Variants in SMURF2 observed in about 807,000 individuals in gnomAD.
SMURF2 encodes SMAD specific E3 ubiquitin protein ligase 2.
A neutral mutation model predicts 109.6 loss-of-function variants in SMURF2; 48 were observed. The observed-to-expected ratio is 0.44, with a 90% confidence interval of 0.35 to 0.56. The LOEUF (loss-of-function observed/expected upper bound fraction) is 0.56. Among genes scored for constraint, SMURF2 ranks in the 20% least tolerant of loss-of-function variants. The pLI is 0.01. For missense variants in SMURF2, 575 were observed against 909.0 expected (o/e 0.63, Z 4.72); for synonymous variants, 288 against 317.1 (o/e 0.91, Z 0.97).
intron 4 of SMURF2, among the ~76,000 whole-genome samples, chr17:64,591,370 T>C (rs1397194085): frequency 1.3e-5 from 2 of 152,228 alleles, no homozygotes; most frequent in East Asian, 1.9e-4. Context: ...TTAATAATTG[T>C]TGGTCTTAAG....
chr17:64,591,535 C>G (rs1292413979), intron 4 of SMURF2, among the ~76,000 whole-genome samples: 1 of 152,176 alleles, frequency 6.6e-6, no homozygotes, highest in Non-Finnish European at 1.5e-5. Flanking sequence ...CATTTTTTAA[C>G]TAACCATTTC....
chr17:64,605,184 T>C (rs782051226), intron 2 of SMURF2, among the ~76,000 whole-genome samples: 13 of 152,144 alleles, frequency 8.5e-5, no homozygotes, highest in Middle Eastern at 3.4e-3. Flanking sequence ...TCTGTGGCCA[T>C]TGGGACCTTC....
intron 16 of SMURF2, among the ~76,000 whole-genome samples, chr17:64,549,367 T>A (rs1969007218): frequency 1.3e-5 from 2 of 150,882 alleles, no homozygotes; most frequent in Admixed American, 6.6e-5. Context: ...GAGGATCACT[T>A]CAGCATAAGA....
At chr17:64,565,183 C>T (rs1969282451) in intron 10 of SMURF2, among the ~76,000 whole-genome samples, 1 of 152,064 alleles carries the variant, frequency 6.6e-6, no homozygotes, top group African/African-American at 2.4e-5. Context: ...CAAAAACGGA[C>T]ACAGGAGAAA....
intron 1 of SMURF2, among the ~76,000 whole-genome samples, chr17:64,621,952 C>CAATAATAAAAT (rs1555690680): frequency 1.5e-5 from 2 of 130,498 alleles, no homozygotes; most frequent in African/African-American, 6.2e-5. Context: ...GCCATCATCG[C>CAATAATAAAAT]AATAATAATA....
At chr17:64,655,446 C>G (rs989531179) in intron 1 of SMURF2, among the ~76,000 whole-genome samples, 2 of 150,562 alleles carry the variant, frequency 1.3e-5, no homozygotes, top group Non-Finnish European at 3.0e-5. Context: ...TTAGTAGAGA[C>G]AGGGTTTCAC....
At chr17:64,570,781 T>C (rs1969386696) in intron 10 of SMURF2, among the ~76,000 whole-genome samples, 1 of 152,030 alleles carries the variant, frequency 6.6e-6, no homozygotes, top group Non-Finnish European at 1.5e-5. Flanking sequence ...TGGGGTGTTT[T>C]TGTTTGTTTG....
chr17:64,594,725 G>A (rs1485142172), intron 3 of SMURF2, among the ~76,000 whole-genome samples: 7 of 152,082 alleles, frequency 4.6e-5, no homozygotes, highest in East Asian at 1.9e-4. Context: ...GGTGGCTCAC[G>A]CCTGTAATTC....
chr17:64,612,994 A>T (rs1299331562), intron 1 of SMURF2, among the ~76,000 whole-genome samples: 1 of 152,222 alleles, frequency 6.6e-6, no homozygotes, highest in African/African-American at 2.4e-5. Context: ...AAGCAGTTCC[A>T]GCCAGCTTTA....
intron 11 of SMURF2, among the ~76,000 whole-genome samples, chr17:64,561,864 GTGGCATGCACC>G (rs1311836953): frequency 6.6e-6 from 1 of 152,098 alleles, no homozygotes; most frequent in Non-Finnish European, 1.5e-5. Flanking sequence ...GCTGGGCATG[GTGGCATGCACC>G]TGTAGTCCTA....
At chr17:64,636,991 A>C (rs1440522746) in intron 1 of SMURF2, among the ~76,000 whole-genome samples, 1 of 152,066 alleles carries the variant, frequency 6.6e-6, no homozygotes, top group African/African-American at 2.4e-5. Context: ...AGGCCGAGAC[A>C]AGAGGATCTC....
chr17:64,593,336 T>G, intron 4 of SMURF2, 104 bp downstream of exon 4: 1 of 902,618 alleles, frequency 1.1e-6, no homozygotes, highest in Non-Finnish European at 1.5e-6. Flanking sequence ...AAATATATAT[T>G]TGAGGATACA....
chr17:64,607,811 A>AAATAC (rs1317430425), intron 1 of SMURF2, among the ~76,000 whole-genome samples: 2 of 151,452 alleles, frequency 1.3e-5, no homozygotes, highest in Admixed American at 6.6e-5. Context: ...TCTCTAGTAA[A>AAATAC]AATACAAAAA....
rs782198069 is a variant in SMURF2, at chr17:64,593,614, A to G, written c.201-41T>C. ...GCTGCATGAGTAACTTGGTAGTTAC[A>G]GGCAGTTGGCGTAAAATTTTTCTTT... On this transcript the variant is annotated intron_variant, in intron 3 of 18. Coordinates refer to ENST00000262435, the MANE Select transcript of SMURF2 (RefSeq NM_022739.4). The G allele has an allele frequency of 2.8e-6, 4 of 1,449,218 alleles. No individual in the cohort carries two copies. The South Asian group carries it at 5.0e-5, about 18-fold the overall frequency. The allele number at this position is 1,449,218 out of a possible 1,614,324, so 89.8% of individuals were successfully genotyped here.
rs1969580448 is a variant in SMURF2, at chr17:64,581,729, G to T, written c.570-738C>A. Among the ~76,000 whole-genome samples the T allele has an allele frequency of 6.6e-6, 1 of 152,134 alleles. No individual in the cohort carries two copies. The highest frequency in any genetic ancestry group is 1.9e-4 in the East Asian group (1 of 5,190). On this transcript the variant is annotated intron_variant, in intron 7 of 18. Transcript: ENST00000262435. This position sits in a 1 kb window ranked among gnomAD's most constrained non-coding sequence, Gnocchi z 4.3. ...GGAGACCGAAGCGAGCGGATCACTT[G>T]AGGTCAGGAGTTTGAGACCAGCCTG...
At chr17:64,583,587 T>C (rs782132466) in intron 6 of SMURF2, 43 bp from the exon 7 acceptor site, 1 of 1,468,156 alleles carries the variant, frequency 6.8e-7, no homozygotes, top group East Asian at 2.3e-5. Flanking sequence ...ATAGGAAACT[T>C]GGACACAGTG....
chr17:64,585,988 T>A, intron 6 of SMURF2, 98 bp downstream of exon 6: 2 of 651,340 alleles, frequency 3.1e-6, no homozygotes, highest in South Asian at 6.8e-5. Flanking sequence ...CAATATACGA[T>A]AAACACCATT....
chr17:64,626,831 A>C (rs1394441453), intron 1 of SMURF2, among the ~76,000 whole-genome samples: 1 of 152,102 alleles, frequency 6.6e-6, no homozygotes, highest in Non-Finnish European at 1.5e-5. Context: ...AAATTGATGA[A>C]ATTATAACTA....
At chr17:64,643,492 G>A (rs901768294) in intron 1 of SMURF2, among the ~76,000 whole-genome samples, 3 of 152,014 alleles carry the variant, frequency 2.0e-5, no homozygotes. Flanking sequence ...TACATAAACT[G>A]GGCTCTTTGT....
Sources: allele counts gnomAD v4.1 joint callset (sites outside exome capture counted in the v4.1 genomes callset), GRCh38; gene constraint gnomAD v4.1.1; non-coding constraint Gnocchi (gnomAD v3.1); transcripts MANE v1.5; gene names NCBI Gene and HGNC (gene_info 2026-07-23, HGNC 2026-07-21).